Variants in CCDC7 observed in about 807,000 individuals in gnomAD.
CCDC7 encodes the protein coiled-coil domain containing 7.
Under a neutral mutation model 196.9 loss-of-function variants are expected in CCDC7, and 183 were observed. The observed-to-expected ratio is 0.93, with a 90% CI of 0.82 to 1.05. The LOEUF is 1.05. Ranked by LOEUF, CCDC7 falls within the 50% of genes least tolerant of loss-of-function variation. CCDC7 has a pLI of 0.00. For synonymous variants in CCDC7, 525 were observed against 484.6 expected, an observed-to-expected ratio of 1.08 and a Z score of -1.10; for missense variants, 1,540 against 1,482.2, an observed-to-expected ratio of 1.04 and a Z score of -0.64.
chr10:32,550,744 A>C (rs1293835715), intron 13 of CCDC7, among the ~76,000 whole-genome samples: 1 of 152,136 alleles, frequency 6.6e-6, no homozygotes, highest in Non-Finnish European at 1.5e-5. Flanking sequence ...CCCTGGTATG[A>C]AACCCAGTTG....
At chr10:32,565,279 C>G (rs1164209624) in intron 13 of CCDC7, among the ~76,000 whole-genome samples, 2 of 152,076 alleles carry the variant, frequency 1.3e-5, no homozygotes, top group Non-Finnish European at 2.9e-5. Context: ...TGAAATTCTT[C>G]TTTTTAAATA....
At chr10:32,489,693 G>A (rs1319862031) in intron 8 of CCDC7, among the ~76,000 whole-genome samples, 1 of 152,184 alleles carries the variant, frequency 6.6e-6, no homozygotes, top group Non-Finnish European at 1.5e-5. Context: ...TCCTAGAGGA[G>A]TGGCAGAGCT....
intron 31 of CCDC7, among the ~76,000 whole-genome samples, chr10:32,822,067 A>G (rs2090341994): frequency 6.6e-6 from 1 of 152,202 alleles, no homozygotes. Flanking sequence ...AAGGTGAAAT[A>G]TGAAATTACT....
At chr10:32,468,294 T>C (rs1330792131) in intron 5 of CCDC7, among the ~76,000 whole-genome samples, 2 of 151,970 alleles carry the variant, frequency 1.3e-5, no homozygotes, top group East Asian at 3.8e-4. Context: ...CTTGTAGAGA[T>C]TGTTCACCTC....
chr10:32,669,441 A>G (rs1253862058), intron 21 of CCDC7, among the ~76,000 whole-genome samples: 2 of 152,082 alleles, frequency 1.3e-5, no homozygotes, highest in Non-Finnish European at 2.9e-5. Context: ...TTTTTTTGAA[A>G]CATTTGAGGG....
chr10:32,511,516 T>A, intron 9 of CCDC7: 1 of 1,603,914 alleles, frequency 6.2e-7, no homozygotes, highest in Non-Finnish European at 8.5e-7. Context: ...TAGGATTAAC[T>A]CCTTGGGTTG....
chr10:32,716,247 T>C (rs1375960298), intron 25 of CCDC7, among the ~76,000 whole-genome samples: 1 of 152,138 alleles, frequency 6.6e-6, no homozygotes, highest in East Asian at 1.9e-4. Context: ...GGGGCCAATA[T>C]TCAACATTCT....
intron 18 of CCDC7, among the ~76,000 whole-genome samples, chr10:32,612,130 G>T (rs60564290): frequency 0.053 from 8,070 of 152,024 alleles, 712 homozygotes; most frequent in African/African-American, 0.18. Flanking sequence ...GAAGAGGTCC[G>T]TCACATCCCT....
intron 20 of CCDC7, among the ~76,000 whole-genome samples, chr10:32,661,108 T>A (rs1440454067): frequency 2.0e-5 from 3 of 150,750 alleles, no homozygotes; most frequent in Non-Finnish European, 4.4e-5. Context: ...GAATCTACAA[T>A]GAACTCCAAC....
At chr10:32,461,503 C>T (rs979285443) in intron 3 of CCDC7, among the ~76,000 whole-genome samples, 2 of 151,712 alleles carry the variant, frequency 1.3e-5, no homozygotes, top group Non-Finnish European at 2.9e-5. Context: ...AAGTAATTTG[C>T]ATTTTTCATT....
At chr10:32,588,750 T>G (rs1187250684) in intron 18 of CCDC7, among the ~76,000 whole-genome samples, 1 of 152,172 alleles carries the variant, frequency 6.6e-6, no homozygotes, top group Non-Finnish European at 1.5e-5. Flanking sequence ...TTTTATAGAA[T>G]TCATCAGTGA....
At chr10:32,844,959 T>C (rs1252332252) in intron 33 of CCDC7, among the ~76,000 whole-genome samples, 2 of 151,844 alleles carry the variant, frequency 1.3e-5, no homozygotes, top group Non-Finnish European at 3.0e-5. Flanking sequence ...AATAAGGAAC[T>C]CTTAGCAGAT....
chr10:32,704,285 G>T (rs2079306795), intron 24 of CCDC7, among the ~76,000 whole-genome samples: 1 of 152,168 alleles, frequency 6.6e-6, no homozygotes, highest in Non-Finnish European at 1.5e-5. Context: ...TCCAGGCCCT[G>T]TTTGCCTGGG....
intron 27 of CCDC7, 29 bp from the exon 29 acceptor site, chr10:32,729,303 C>A (rs1474313754): frequency 1.3e-6 from 2 of 1,529,610 alleles, no homozygotes; most frequent in Non-Finnish European, 1.8e-6. Flanking sequence ...TCCAGAAGTT[C>A]TATTGCACAT....
chr10:32,564,925 TAGGAACCC>T (rs200486395), intron 13 of CCDC7, among the ~76,000 whole-genome samples: 1,980 of 152,270 alleles, frequency 0.013, 15 homozygotes, highest in Non-Finnish European at 0.017. Flanking sequence ...TGCAGTGAGC[TAGGAACCC>T]ACTGCTGCAC....
chr10:32,843,341 TGAA>T (rs1040369532), intron 33 of CCDC7, among the ~76,000 whole-genome samples: 3 of 151,976 alleles, frequency 2.0e-5, no homozygotes, highest in African/African-American at 4.8e-5. Flanking sequence ...GCAAAAATGT[TGAA>T]GAAGGAATAA....
intron 41 of CCDC7, among the ~76,000 whole-genome samples, chr10:32,870,912 T>A (rs1044771798): frequency 1.3e-5 from 2 of 152,226 alleles, no homozygotes; most frequent in African/African-American, 4.8e-5. Flanking sequence ...GATTTGCGTA[T>A]GTTGAACCAG....
At chr10:32,607,764 C>T (rs574355285) in intron 18 of CCDC7, among the ~76,000 whole-genome samples, 1 of 152,174 alleles carries the variant, frequency 6.6e-6, no homozygotes, top group South Asian at 2.1e-4. Flanking sequence ...CAATTTTCAT[C>T]AGGGGTTTTG....
intron 29 of CCDC7, among the ~76,000 whole-genome samples, chr10:32,803,412 CT>C (rs1167666809): frequency 6.6e-6 from 1 of 152,110 alleles, no homozygotes; most frequent in Admixed American, 6.6e-5. Context: ...CTGTTTAGAA[CT>C]GGGTTCTCTA....
Sources: gnomAD v4.1 joint callset for allele counts (sites outside exome capture counted in the v4.1 genomes callset) on GRCh38, gnomAD v4.1.1 for gene constraint, MANE v1.5 for transcripts, NCBI Gene and HGNC (gene_info 2026-07-23, HGNC 2026-07-21) for gene names.